Variants in TNFSF4 observed in about 807,000 individuals in gnomAD.
TNFSF4 encodes tumor necrosis factor ligand superfamily member 4.
TNFSF4 carries 4 observed loss-of-function variants against 7.3 expected under a neutral mutation model. The ratio of observed to expected loss-of-function variants is 0.55; its 90% confidence interval spans 0.27 to 1.25. The LOEUF (loss-of-function observed/expected upper bound fraction) is 1.25, where lower values mean the gene tolerates loss of function less well. Ranked by LOEUF, TNFSF4 falls within the 50% of genes most tolerant of loss-of-function variation. The pLI, the probability that TNFSF4 is intolerant of heterozygous loss-of-function variation, is 0.12. For synonymous variants in TNFSF4, 76 were observed against 83.7 expected, an observed-to-expected ratio of 0.91 and a Z score of 0.50; for missense variants, 181 against 208.8, an observed-to-expected ratio of 0.87 and a Z score of 0.82.
chr1:173,193,692 C>A (rs924262575), intron 1 of TNFSF4, among the ~76,000 whole-genome samples: 1 of 151,608 alleles, frequency 6.6e-6, no homozygotes, highest in Admixed American at 6.6e-5. Flanking sequence ...TTGGCAATGA[C>A]CTCATCATGA....
At chr1:173,218,275 C>T in the TNFSF4 span, among the ~76,000 whole-genome samples, 2 of 152,248 alleles carry the variant, frequency 1.3e-5, no homozygotes, top group South Asian at 2.1e-4. Context: ...ATCTTCAGGT[C>T]CCTCCCATGA....
At chr1:173,380,018 G>A in the TNFSF4 span, among the ~76,000 whole-genome samples, 7 of 152,332 alleles carry the variant, frequency 4.6e-5, no homozygotes, top group East Asian at 3.9e-4. Flanking sequence ...CGCCGGGTAC[G>A]TTTGACCATT....
At chr1:173,393,443 T>G in the TNFSF4 span, among the ~76,000 whole-genome samples, 2 of 152,198 alleles carry the variant, frequency 1.3e-5, no homozygotes, top group Non-Finnish European at 2.9e-5. Flanking sequence ...CTTTCGCCCT[T>G]TGCCACTTCC....
downstream of TNFSF4, among the ~76,000 whole-genome samples, chr1:173,183,434 T>C (rs940745063): frequency 2.0e-5 from 3 of 152,224 alleles, no homozygotes; most frequent in Non-Finnish European, 4.4e-5. Context: ...ACATAAGAAA[T>C]CATCCAGGGT....
chr1:173,175,051 G>C, the TNFSF4 span: 1 of 152,196 alleles, frequency 6.6e-6, no homozygotes, highest in South Asian at 2.1e-4. Context: ...GGCAGGGACT[G>C]TGGTTTCTAC....
chr1:173,335,633 G>A, the TNFSF4 span, among the ~76,000 whole-genome samples: 1 of 152,182 alleles, frequency 6.6e-6, no homozygotes, highest in Non-Finnish European at 1.5e-5. Flanking sequence ...TATATAAGTA[G>A]AAATGTTCTA....
the TNFSF4 span, among the ~76,000 whole-genome samples, chr1:173,421,216 T>C: frequency 6.6e-6 from 1 of 152,188 alleles, no homozygotes; most frequent in Non-Finnish European, 1.5e-5. Context: ...ATTAGGGACA[T>C]AGTTATTGCA....
intron 1 of TNFSF4, among the ~76,000 whole-genome samples, chr1:173,189,739 TATACA>T (rs1411659776): frequency 6.6e-6 from 1 of 151,990 alleles, no homozygotes; most frequent in Non-Finnish European, 1.5e-5. Flanking sequence ...ATTGAAAGAA[TATACA>T]ATACATTAAT....
At chr1:173,275,796 T>C in the TNFSF4 span, among the ~76,000 whole-genome samples, 2 of 152,162 alleles carry the variant, frequency 1.3e-5, no homozygotes, top group African/African-American at 4.8e-5. Context: ...CTTTGGGGTT[T>C]AATCCCAGGA....
chr1:173,364,388 TA>T, the TNFSF4 span, among the ~76,000 whole-genome samples: 3 of 148,816 alleles, frequency 2.0e-5, no homozygotes, highest in African/African-American at 7.3e-5. Flanking sequence ...TGTGTATATA[TA>T]TATATATATA....
the TNFSF4 span, among the ~76,000 whole-genome samples, chr1:173,243,342 T>A: frequency 6.6e-6 from 1 of 152,140 alleles, no homozygotes. Context: ...TCCCAACCAA[T>A]CAATAATCCC....
At chr1:173,358,768 T>C in the TNFSF4 span, among the ~76,000 whole-genome samples, 3 of 152,248 alleles carry the variant, frequency 2.0e-5, no homozygotes, top group Non-Finnish European at 4.4e-5. Context: ...TAGATGAATG[T>C]CACAGACATA....
chr1:173,172,978 C>T, the TNFSF4 span, among the ~76,000 whole-genome samples: 5 of 152,072 alleles, frequency 3.3e-5, no homozygotes, highest in Non-Finnish European at 7.4e-5. Flanking sequence ...TCCTTCTTCA[C>T]AAGGCAGCAG....
chr1:173,231,252 CA>C, the TNFSF4 span, among the ~76,000 whole-genome samples: 10 of 152,346 alleles, frequency 6.6e-5, no homozygotes, highest in East Asian at 1.5e-3. Context: ...CCACCATGAT[CA>C]AGTGGGCTTC....
chr1:173,359,549 T>C, the TNFSF4 span, among the ~76,000 whole-genome samples: 1 of 140,652 alleles, frequency 7.1e-6, no homozygotes, highest in African/African-American at 2.6e-5. Context: ...AAACTACATC[T>C]GCTGACTTCC....
chr1:173,208,770 G>T (rs1337384297), upstream of TNFSF4, among the ~76,000 whole-genome samples: 3 of 150,574 alleles, frequency 2.0e-5, no homozygotes, highest in Non-Finnish European at 2.9e-5. Flanking sequence ...CAATTCTTGT[G>T]TAATAGTTCT....
the TNFSF4 span, among the ~76,000 whole-genome samples, chr1:173,292,726 A>G: frequency 6.6e-6 from 1 of 152,064 alleles, no homozygotes; most frequent in Non-Finnish European, 1.5e-5. Flanking sequence ...CAGATAATAG[A>G]ATTCTATACT....
the TNFSF4 span, among the ~76,000 whole-genome samples, chr1:173,395,071 A>C: frequency 1.1e-3 from 156 of 145,472 alleles, no homozygotes; most frequent in Non-Finnish European, 1.3e-3. Context: ...AGATAGATAG[A>C]TAGATAGCTA....
At chr1:173,359,723 T>C in the TNFSF4 span, among the ~76,000 whole-genome samples, 61 of 88,704 alleles carry the variant, frequency 6.9e-4, no homozygotes, top group African/African-American at 2.2e-3. Flanking sequence ...TTATACTTTC[T>C]TAAACCACTA....
Sources: allele counts gnomAD v4.1 joint callset (sites outside exome capture counted in the v4.1 genomes callset), GRCh38; gene constraint gnomAD v4.1.1; transcripts MANE v1.5; gene names NCBI Gene and HGNC (gene_info 2026-07-23, HGNC 2026-07-21).